Variants in FCN1 observed in about 807,000 individuals in gnomAD.
The protein encoded by FCN1 is ficolin-1.
Under a neutral mutation model 35.6 loss-of-function variants are expected in FCN1, and 42 were observed. That is an observed-to-expected ratio of 1.18 (90% CI 0.92 to 1.53). FCN1 has a LOEUF of 1.53. Among genes scored for constraint, FCN1 ranks in the 40% most tolerant of loss-of-function variants. The pLI is 0.00. For synonymous variants in FCN1, 179 were observed against 169.8 expected (o/e 1.05, Z -0.42); for missense variants, 439 against 428.4 (o/e 1.02, Z -0.22).
Position 134,914,753 on chromosome 9 carries a change from T to C in FCN1, c.271+3A>G. 6.2e-7 allele frequency: 1 copy of C among 1,610,680 alleles called. No homozygotes were observed. Among genetic ancestry groups the C allele is most frequent in the Middle Eastern group, 1.7e-4 (1 of 6,048 alleles). On this transcript the variant is annotated splice_donor_region_variant and intron_variant, in intron 3 of 8. Coordinates refer to ENST00000371806, the MANE Select transcript of FCN1 (RefSeq NM_002003.5). ...GCCTCCTCGCTGTCTGTCCCCTGGT[T>C]ACCTTTGGGCCCCACTGGTCCTGCC...
At chr9:134,916,118 A>C (rs900243258) in intron 2 of FCN1, among the ~76,000 whole-genome samples, 12 of 152,230 alleles carry the variant, frequency 7.9e-5, no homozygotes, top group South Asian at 4.1e-4. Flanking sequence ...GAGCTACAGA[A>C]GCATGTCCAA....
chr9:134,912,187 G>A (rs892697714), intron 7 of FCN1, among the ~76,000 whole-genome samples: 3 of 152,148 alleles, frequency 2.0e-5, no homozygotes, highest in African/African-American at 7.2e-5. Context: ...GCTGGAGATG[G>A]GGGAAGGCTA....
chr9:134,910,654 C>A (rs879870279), intron 8 of FCN1, among the ~76,000 whole-genome samples: 6 of 152,178 alleles, frequency 3.9e-5, no homozygotes, highest in Admixed American at 2.0e-4. Context: ...CTCCATGGAG[C>A]AGTTAGTTAC....
Position 134,912,505 on chromosome 9 carries a change from G to A in FCN1, c.579C>T (p.Ile193=). The change falls in exon 7 of 9, where the codon ATC becomes ATT. Residue 193 remains isoleucine, a synonymous_variant. Transcript: ENST00000371806. ...CCCTACCCTGGGCAGTCAGGGCGTG[G>A]ATGTTGTCATTCCCCAGCCAGAACT... The part of the protein sequence containing the change: ...LGEFWLGNDN[I]HALTAQGSSE... 1 of 1,614,036 alleles carries A rather than the reference G, an allele frequency of 6.2e-7. No individual in the cohort carries two copies. Among genetic ancestry groups the A allele is most frequent in the Non-Finnish European group, 8.5e-7 (1 of 1,179,964 alleles).
chr9:134,914,605 C>A, intron 3 of FCN1, 151 bp downstream of exon 3: 2 of 850,724 alleles, frequency 2.4e-6, no homozygotes, highest in South Asian at 3.3e-5. Context: ...CCCAGGGTCC[C>A]TGTCCGCCTG....
chr9:134,913,202 G>C, intron 5 of FCN1, 59 bp from the exon 6 acceptor site: 1 of 1,604,184 alleles, frequency 6.2e-7, no homozygotes, highest in South Asian at 1.1e-5. Flanking sequence ...GACAGGGGCA[G>C]TGGGAGGGAG....
rs746424408 is a variant in FCN1 at position 134,910,008 on chromosome 9, G to A, written c.771C>T (p.Ser257=). ...SLTGHNNNFF[S]TKDQDNDVSS... is the part of the protein sequence containing the mutation. ...TCACATCATTGTCTTGGTCTTTGGT[G>A]GAGAAGAAGTTGTTGTTGTGGCCCG... is the stretch of plus-strand genomic sequence containing the variant. Residue 257 remains serine, a synonymous_variant, in exon 9 of 9, where the codon TCC becomes TCT. Coordinates refer to ENST00000371806, the MANE Select transcript of FCN1 (RefSeq NM_002003.5). 5.0e-6 allele frequency: 8 copies of A among 1,614,140 alleles called. No individual in the cohort carries two copies. Among genetic ancestry groups the A allele is most frequent in the Non-Finnish European group, 6.8e-6 (8 of 1,180,016 alleles).
intron 7 of FCN1, 100 bp downstream of exon 7, chr9:134,912,386 C>T: frequency 1.4e-5 from 18 of 1,254,546 alleles, no homozygotes; most frequent in Non-Finnish European, 2.0e-5. Context: ...GGGCCCAATC[C>T]CCTGTGGGCC....
chr9:134,914,548 A>G, intron 3 of FCN1, 128 bp from the exon 4 acceptor site: 1 of 1,042,578 alleles, frequency 9.6e-7, no homozygotes, highest in Non-Finnish European at 1.5e-6. Context: ...AAGGCATCAC[A>G]ACGCCCAGGT....
At chr9:134,913,541 G>A (rs1244794738) in intron 5 of FCN1, 40 bp downstream of exon 5, 3 of 1,572,332 alleles carry the variant, frequency 1.9e-6, no homozygotes, top group Non-Finnish European at 2.6e-6. Flanking sequence ...CAGGGGTGGG[G>A]GCAAGGCTTG....
intron 8 of FCN1, among the ~76,000 whole-genome samples, chr9:134,910,736 G>T (rs572788382): frequency 1.3e-3 from 192 of 152,274 alleles, no homozygotes; most frequent in African/African-American, 4.3e-3. Context: ...CTAAGCAGAC[G>T]CCCTGTAGGA....
In FCN1 at chr9:134,913,035, G is replaced by A. The variant is rs147539232; in HGVS notation, c.449C>T (p.Thr150Met). Residue 150 changes from threonine (T) to methionine (M), a missense_variant, in exon 6 of 9, where the codon ACG becomes ATG. By Grantham distance (81) the Thr-to-Met change is moderately conservative. Coordinates refer to ENST00000371806, the MANE Select transcript of FCN1 (RefSeq NM_002003.5). ...RPLTVLCDMDTDGGGWTVFQR... is the reference protein window; with the variant it reads ...RPLTVLCDMDMDGGGWTVFQR... ...ACTCACGGTCCAGCCCCCTCCGTCC[G>A]TGTCCATGTCACAGAGCACAGTCAG... 4.9e-3 allele frequency: 7,866 copies of A among 1,612,374 alleles called. 27 individuals are homozygous for A. Among genetic ancestry groups the A allele is most frequent in the Non-Finnish European group, 5.7e-3 (6,757 of 1,179,294 alleles).
intron 2 of FCN1, among the ~76,000 whole-genome samples, chr9:134,915,097 T>C (rs1288995343): frequency 6.6e-6 from 1 of 152,172 alleles, no homozygotes; most frequent in Non-Finnish European, 1.5e-5. Flanking sequence ...CTGTTGACCA[T>C]AAGCCTGGAC....
In FCN1 at chr9:134,914,739, G is replaced by A. The variant is rs751869378; in HGVS notation, c.271+17C>T. ...GGTCCCTGCTCAAGGCCTCCTCGCTGTCTGTCCCCTGGTTACCTTTGGGCC... is the reference window on the plus strand; with the variant it reads ...GGTCCCTGCTCAAGGCCTCCTCGCTATCTGTCCCCTGGTTACCTTTGGGCC... On this transcript the variant is annotated intron_variant, in intron 3 of 8. Coordinates refer to ENST00000371806, the MANE Select transcript of FCN1 (RefSeq NM_002003.5). The A allele has an allele frequency of 1.9e-6, 3 of 1,603,908 alleles. No homozygotes were observed. The highest frequency in any genetic ancestry group is 2.7e-5 in the African/African-American group (2 of 74,726).
chr9:134,910,401 A>G (rs1444133857), intron 8 of FCN1, among the ~76,000 whole-genome samples: 1 of 152,042 alleles, frequency 6.6e-6, no homozygotes, highest in African/African-American at 2.4e-5. Flanking sequence ...GGCCCTTGGT[A>G]GGTTCAGGAC....
Position 134,913,053 on chromosome 9 carries a change from A to T in FCN1, c.431T>A (p.Val144Glu). The change falls in exon 6 of 9, where the codon GTG becomes GAG. Residue 144 changes from valine (V) to glutamate (E), a missense_variant. Val to Glu is a moderately radical substitution (Grantham distance 121). Transcript: ENST00000371806. ...TCCGTCCGTGTCCATGTCACAGAGC[A>T]CAGTCAGGGGCCGGCAGTCGGGCAG... Reference protein sequence around the residue: ...IYLPDCRPLTVLCDMDTDGGG... With the variant: ...IYLPDCRPLTELCDMDTDGGG... The T allele has an allele frequency of 6.2e-7, 1 of 1,613,328 alleles. No individual in the cohort carries two copies. Among genetic ancestry groups the T allele is most frequent in the Non-Finnish European group, 8.5e-7 (1 of 1,179,690 alleles).
At chr9:134,917,512 C>T (rs952414052) in intron 1 of FCN1, among the ~76,000 whole-genome samples, 1 of 152,160 alleles carries the variant, frequency 6.6e-6, no homozygotes, top group Non-Finnish European at 1.5e-5. Flanking sequence ...ATTCCAGACC[C>T]ACCTATGAAG....
intron 6 of FCN1, 85 bp from the exon 7 acceptor site, chr9:134,912,700 T>C: frequency 6.3e-7 from 1 of 1,577,720 alleles, no homozygotes; most frequent in Middle Eastern, 1.7e-4. Flanking sequence ...GGAGCAGCAT[T>C]TGTAGTTGGC....
chr9:134,905,822 T>TTCTTCCTCTTCCTCTTCC lies in FCN1; in HGVS notation c.*3958_*3975dup, dbSNP rs1317287297. 116 of 38,016 alleles carry TTCTTCCTCTTCCTCTTCC rather than the reference T, an allele frequency of 3.1e-3. 13 individuals carry two copies. Among genetic ancestry groups the TTCTTCCTCTTCCTCTTCC allele is most frequent in the Middle Eastern group, 9.8e-3 (1 of 102 alleles). 2.4% of individuals were successfully genotyped at this position (38,016 alleles called of 1,614,324 possible). ...CTTCTTCTTCTTCCTCTTCTTCTTC[T>TTCTTCCTCTTCCTCTTCC]TCTTCCTCTTCCTCTTCCTCTTCCT... On this transcript the variant is annotated 3_prime_UTR_variant, in exon 9 of 9. Coordinates refer to ENST00000371806, the MANE Select transcript of FCN1 (RefSeq NM_002003.5).
Sources: gnomAD v4.1 joint callset for allele counts (sites outside exome capture counted in the v4.1 genomes callset) on GRCh38, gnomAD v4.1.1 for gene constraint, MANE v1.5 for transcripts, NCBI Gene and HGNC (gene_info 2026-07-23, HGNC 2026-07-21) for gene names.